SAMD12: variants seen among roughly 807,000 people sequenced by gnomAD.
SAMD12 encodes sterile alpha motif domain containing 12.
Under a neutral mutation model 15.0 loss-of-function variants are expected in SAMD12, and 9 were observed. The ratio of observed to expected loss-of-function variants is 0.60; its 90% CI spans 0.36 to 1.05. The LOEUF is 1.05. SAMD12 is among the 50% of genes least tolerant of loss of function. SAMD12 has a pLI of 0.01. For synonymous variants in SAMD12, 86 were observed against 90.1 expected (o/e 0.96, Z 0.25); for missense variants, 230 against 234.2 (o/e 0.98, Z 0.12).
chr8:118,262,709 A>G (rs188939083), intron 4 of SAMD12, among the ~76,000 whole-genome samples: 1 of 152,204 alleles, frequency 6.6e-6, no homozygotes, highest in Admixed American at 6.5e-5. Flanking sequence ...ACTTCTCCTT[A>G]TGTCTTCCTG....
intron 4 of SAMD12, among the ~76,000 whole-genome samples, chr8:118,286,168 G>T (rs192377136): frequency 1.4e-5 from 2 of 144,286 alleles, no homozygotes; most frequent in Admixed American, 6.9e-5. Context: ...GGCCTGTTGT[G>T]GGGTGAGGGG....
the SAMD12 span, among the ~76,000 whole-genome samples, chr8:118,159,764 G>T: frequency 2.9e-5 from 4 of 139,922 alleles, no homozygotes; most frequent in Middle Eastern, 4.4e-3. Context: ...CGCCCAGGCT[G>T]CAGCGCAATG....
At chr8:118,471,780 T>C (rs1160510858) in intron 2 of SAMD12, among the ~76,000 whole-genome samples, 1 of 152,160 alleles carries the variant, frequency 6.6e-6, no homozygotes, top group Admixed American at 6.5e-5. Flanking sequence ...GCAGTAGTGG[T>C]GGTGACCGTG....
At chr8:118,471,508 G>C (rs1420368038) in intron 2 of SAMD12, among the ~76,000 whole-genome samples, 1 of 152,144 alleles carries the variant, frequency 6.6e-6, no homozygotes, top group African/African-American at 2.4e-5. Context: ...TGTCACCACT[G>C]AAAACATTAG....
At position 118,321,160 on chromosome 8, in the gene SAMD12, T is replaced by TATATAC. The variant is rs1816251709; in HGVS notation, c.433+58399_433+58400insGTATAT. Reference sequence around the variant, plus strand: ...TAGATAATAAATATATATATATATATATATATATATATATATATATATATA... The same window carrying TATATAC: ...TAGATAATAAATATATATATATATATATATACATATATATATATATATATATATATA... On this transcript the variant is annotated intron_variant, in intron 4 of 4. Coordinates refer to the SAMD12 transcript ENST00000409003. Among the ~76,000 whole-genome samples the TATATAC allele has an allele frequency of 5.7e-5, 4 of 70,506 alleles. 1 individual carries two copies. In the South Asian group the frequency reaches 8.5e-4, roughly 15 times the overall value. The allele number at this position is 70,506 out of a possible 152,430, so 46.3% of individuals were successfully genotyped here. A position where few individuals can be genotyped will look rare whatever the true frequency, so the allele number is the denominator to read the frequency against.
intron 3 of SAMD12, among the ~76,000 whole-genome samples, chr8:118,403,292 A>G (rs1820960899): frequency 6.6e-6 from 1 of 152,200 alleles, no homozygotes; most frequent in African/African-American, 2.4e-5. Context: ...ACTAATTCTC[A>G]GTGAAAAGGG....
intron 4 of SAMD12, among the ~76,000 whole-genome samples, chr8:118,333,539 A>C (rs749619698): frequency 1.1e-4 from 17 of 149,758 alleles, no homozygotes; most frequent in Non-Finnish European, 2.2e-4. Flanking sequence ...TTTTAGAATA[A>C]GTTATGATTC....
At position 118,552,687 on chromosome 8, in the gene SAMD12, T is replaced by G. The variant is rs181930708; in HGVS notation, c.192+28028A>C. Among the ~76,000 whole-genome samples, 284 of 152,214 alleles carry G rather than the reference T, an allele frequency of 1.9e-3. 1 individual carries two copies. The highest frequency in any genetic ancestry group is 6.4e-3 in the African/African-American group (267 of 41,530). ...TGTTGGAAGTTCTGGCCACGGCAAT[T>G]AGGCAGGAGAAGGAAATAAAGGGTA... On this transcript the variant is annotated intron_variant, in intron 2 of 3. Transcript: ENST00000314727.
At chr8:118,435,820 A>G (rs867336860) in intron 3 of SAMD12, among the ~76,000 whole-genome samples, 3 of 152,224 alleles carry the variant, frequency 2.0e-5, no homozygotes, top group African/African-American at 4.8e-5. Context: ...TTAAGATTTT[A>G]ATTTAACTTA....
intron 4 of SAMD12, among the ~76,000 whole-genome samples, chr8:118,241,681 C>T (rs1051035810): frequency 5.9e-5 from 9 of 152,132 alleles, no homozygotes; most frequent in African/African-American, 2.2e-4. Context: ...ACATCTAAGT[C>T]AAATCAGTTT....
chr8:118,465,441 ATTG>A (rs1222897863), intron 2 of SAMD12, among the ~76,000 whole-genome samples: 2 of 152,102 alleles, frequency 1.3e-5, no homozygotes, highest in Non-Finnish European at 1.5e-5. Context: ...CTTGCCAGTT[ATTG>A]TTCTCATTTT....
chr8:118,497,452 G>A (rs1169924254), intron 2 of SAMD12, among the ~76,000 whole-genome samples: 4 of 152,090 alleles, frequency 2.6e-5, no homozygotes, highest in Admixed American at 2.0e-4. Context: ...TAACCTAAGC[G>A]AATTAATGCA....
intron 2 of SAMD12, among the ~76,000 whole-genome samples, chr8:118,465,809 T>G (rs979582159): frequency 2.0e-5 from 3 of 152,264 alleles, no homozygotes; most frequent in African/African-American, 7.2e-5. Flanking sequence ...ACCAAGGACA[T>G]TCTTGGAATC....
chr8:118,379,221 T>C lies in SAMD12; in HGVS notation c.*196A>G. 7.1e-7 allele frequency: 1 copy of C among 1,406,914 alleles called. No individual in the cohort carries two copies. Among genetic ancestry groups the C allele is most frequent in the Non-Finnish European group, 9.2e-7 (1 of 1,082,658 alleles). The allele number at this position is 1,406,914 out of a possible 1,614,324, so 87.2% of individuals were successfully genotyped here. A position where few individuals can be genotyped will look rare whatever the true frequency, so the allele number is the denominator to read the frequency against. The stretch of plus-strand genomic sequence containing the variant: ...CTGTACAGTTGTGCAGGCTGCACAT[T>C]ATACAACTCTAGTGAGTGCAATCGT... On this transcript the variant is annotated 3_prime_UTR_variant, in exon 4 of 4. Transcript: ENST00000314727.
At chr8:118,618,254 T>A (rs188441959) in intron 1 of SAMD12, among the ~76,000 whole-genome samples, 1 of 152,282 alleles carries the variant, frequency 6.6e-6, no homozygotes, top group Admixed American at 6.5e-5. Flanking sequence ...AAAGGGCACC[T>A]CTTTTTCATC....
intron 4 of SAMD12, among the ~76,000 whole-genome samples, chr8:118,208,548 A>G (rs1318563935): frequency 1.3e-5 from 2 of 152,236 alleles, no homozygotes; most frequent in Admixed American, 6.5e-5. Context: ...AAGGCCTCAC[A>G]TATTCTCTCA....
At chr8:118,452,818 C>T (rs1243382409) in intron 2 of SAMD12, among the ~76,000 whole-genome samples, 2 of 152,220 alleles carry the variant, frequency 1.3e-5, no homozygotes, top group Non-Finnish European at 2.9e-5. Context: ...ATAACCCTAA[C>T]ATGGTCCTAA....
intron 4 of SAMD12, among the ~76,000 whole-genome samples, chr8:118,223,988 C>A (rs1309962683): frequency 6.6e-6 from 1 of 152,158 alleles, no homozygotes; most frequent in Non-Finnish European, 1.5e-5. Context: ...AATTAACATG[C>A]CAGGCTCTAT....
Position 118,535,775 on chromosome 8 carries a change from G to A in SAMD12, c.192+44940C>T, listed in dbSNP as rs542266582. ...GTGCAGGATATCATCTCCTGGTGTG[G>A]TCTTTGCTAAGACCATTGGAAAAGC... On this transcript the variant is annotated intron_variant, in intron 2 of 3. Transcript: ENST00000314727. 2.6e-5 allele frequency among the ~76,000 whole-genome samples: 4 copies of A among 152,326 alleles called. No individual in the cohort carries two copies. The South Asian group carries it at 6.2e-4, about 24-fold the overall frequency.
Sources: allele counts gnomAD v4.1 joint callset (sites outside exome capture counted in the v4.1 genomes callset), GRCh38; gene constraint gnomAD v4.1.1; transcripts MANE v1.5; gene names NCBI Gene and HGNC (gene_info 2026-07-23, HGNC 2026-07-21).